Variants in SHANK2 observed in about 807,000 individuals in gnomAD.
SHANK2 encodes the protein SH3 and multiple ankyrin repeat domains 2, also known as SH3 and multiple ankyrin repeat domains protein 2.
In SHANK2, 43 loss-of-function variants were observed where a neutral mutation model predicts 133.7. The ratio of observed to expected loss-of-function variants is 0.32; its 90% CI spans 0.25 to 0.41. SHANK2 has a LOEUF of 0.41. Among genes scored for constraint, SHANK2 ranks in the 10% least tolerant of loss-of-function variants. The pLI is 1.00. For synonymous variants in SHANK2, 1,017 were observed against 952.8 expected, an observed-to-expected ratio of 1.07 and a Z score of -1.24; for missense variants, 1,994 against 2,235.8, an observed-to-expected ratio of 0.89 and a Z score of 2.18.
At chr11:70,515,841 T>C (rs1591526233) in intron 17 of SHANK2, among the ~76,000 whole-genome samples, 1 of 152,200 alleles carries the variant, frequency 6.6e-6, no homozygotes, top group South Asian at 2.1e-4. Context: ...TGCTATATAA[T>C]ATTTTTAATT....
intron 17 of SHANK2, among the ~76,000 whole-genome samples, chr11:70,511,400 C>T (rs1427604882): frequency 6.6e-6 from 1 of 152,176 alleles, no homozygotes; most frequent in African/African-American, 2.4e-5. Context: ...AAACAGATGC[C>T]AGAAATTGCT....
intron 10 of SHANK2, among the ~76,000 whole-genome samples, chr11:70,914,721 A>AT (rs61222852): frequency 2.0e-5 from 3 of 150,520 alleles, no homozygotes; most frequent in Non-Finnish European, 4.4e-5. Context: ...ATAAAATAAA[A>AT]CAAAACAAAA....
intron 17 of SHANK2, among the ~76,000 whole-genome samples, chr11:70,530,240 C>A (rs527830394): frequency 2.7e-4 from 41 of 152,268 alleles, no homozygotes; most frequent in African/African-American, 9.4e-4. Context: ...AGGAGGAGGC[C>A]GGGCACCGTG....
Position 70,804,506 on chromosome 11 carries a change from G to A in SHANK2, c.1663+2496C>T, listed in dbSNP as rs1334376611. ...GCTCTGTCATTTCTGTTCTCCCTGG[G>A]AGAAAGGCCCAGCTCCCCGCACGCC... On this transcript the variant is annotated intron_variant, in intron 13 of 25. Coordinates refer to ENST00000601538, the MANE Select transcript of SHANK2 (RefSeq NM_012309.5). The surrounding 1 kb of genome is among the most constrained non-coding windows in gnomAD (Gnocchi z 4.1). Among the ~76,000 whole-genome samples the A allele has an allele frequency of 6.6e-6, 1 of 152,194 alleles. No individual in the cohort carries two copies. The highest frequency in any genetic ancestry group is 1.5e-5 in the Non-Finnish European group (1 of 68,032).
At chr11:71,181,119 A>T (rs1004018751) in intron 2 of SHANK2, among the ~76,000 whole-genome samples, 1 of 152,100 alleles carries the variant, frequency 6.6e-6, no homozygotes, top group South Asian at 2.1e-4. Context: ...TGACGAGGGG[A>T]GGTCTGGAGA....
chr11:70,908,073 G>A (rs797026406), intron 10 of SHANK2: 13 of 276,622 alleles, frequency 4.7e-5, no homozygotes, highest in Admixed American at 2.2e-4. Context: ...TGCACTCTGC[G>A]CAACAGAGTG....
chr11:70,755,494 C>T (rs1267195697), intron 14 of SHANK2, among the ~76,000 whole-genome samples: 2 of 152,250 alleles, frequency 1.3e-5, no homozygotes, highest in Non-Finnish European at 2.9e-5. Context: ...CTCTTGGCCT[C>T]TCTGGTGCCC....
chr11:70,919,828 A>T (rs1295882584), intron 10 of SHANK2, among the ~76,000 whole-genome samples: 1 of 152,214 alleles, frequency 6.6e-6, no homozygotes, highest in African/African-American at 2.4e-5. Context: ...TTCTGCACAT[A>T]AGTGAGATTG....
chr11:70,863,788 G>A (rs1359711521), intron 11 of SHANK2: 2 of 457,466 alleles, frequency 4.4e-6, no homozygotes, highest in Admixed American at 4.7e-5. Flanking sequence ...CATCCAACAG[G>A]AGAGGTGTGT....
intron 3 of SHANK2, among the ~76,000 whole-genome samples, chr11:71,126,310 G>A (rs1440144774): frequency 6.7e-6 from 1 of 148,370 alleles, no homozygotes; most frequent in Non-Finnish European, 1.5e-5. Flanking sequence ...CAGCACATCT[G>A]TTTACAACAC....
At chr11:70,521,223 T>G (rs77484742) in intron 17 of SHANK2, among the ~76,000 whole-genome samples, 5,856 of 152,344 alleles carry the variant, frequency 0.038, 178 homozygotes, top group African/African-American at 0.084. Context: ...ATTAAGGTCA[T>G]GATCTATTTG....
At chr11:71,060,760 C>T (rs1950977562) in intron 9 of SHANK2, among the ~76,000 whole-genome samples, 2 of 152,196 alleles carry the variant, frequency 1.3e-5, no homozygotes, top group Non-Finnish European at 2.9e-5. Flanking sequence ...AAAGCAAACA[C>T]AAGGAAACGA....
intron 25 of SHANK2, among the ~76,000 whole-genome samples, chr11:70,476,009 G>A (rs1216632937): frequency 6.6e-6 from 1 of 152,014 alleles, no homozygotes; most frequent in Non-Finnish European, 1.5e-5. Context: ...ATCATTTGAG[G>A]TCAGGGGTTC....
intron 8 of SHANK2, among the ~76,000 whole-genome samples, chr11:71,080,776 G>A (rs921229388): frequency 1.3e-5 from 2 of 152,140 alleles, no homozygotes; most frequent in Non-Finnish European, 2.9e-5. Context: ...AATCCCCCTC[G>A]CATGGCCTGA....
At chr11:70,819,819 C>T (rs567678948) in intron 12 of SHANK2, among the ~76,000 whole-genome samples, 8 of 152,296 alleles carry the variant, frequency 5.3e-5, no homozygotes, top group Admixed American at 4.6e-4. Flanking sequence ...TGAGACCATC[C>T]CTGCAGCTGC....
intron 17 of SHANK2, among the ~76,000 whole-genome samples, chr11:70,533,057 G>A (rs568850818): frequency 2.5e-4 from 38 of 152,242 alleles, no homozygotes; most frequent in African/African-American, 8.2e-4. Context: ...AATTCACAGC[G>A]GCGGAAAGCA....
chr11:71,081,943 A>G (rs1396193553), intron 8 of SHANK2, among the ~76,000 whole-genome samples: 1 of 151,660 alleles, frequency 6.6e-6, no homozygotes, highest in Non-Finnish European at 1.5e-5. Context: ...ACACTCTCAC[A>G]CCCTGGAGGT....
At chr11:70,586,830 A>C (rs115968739) in intron 17 of SHANK2, among the ~76,000 whole-genome samples, 3,672 of 152,262 alleles carry the variant, frequency 0.024, 158 homozygotes, top group African/African-American at 0.085. Flanking sequence ...TCACCCCCCC[A>C]GAGTGGGCAG....
intron 10 of SHANK2, among the ~76,000 whole-genome samples, chr11:70,952,532 AAAATGCAG>A (rs1413617270): frequency 6.6e-6 from 1 of 152,198 alleles, no homozygotes; most frequent in Non-Finnish European, 1.5e-5. Context: ...CAGTAAGTGC[AAAATGCAG>A]TCTCTGGGTG....
Sources: gnomAD v4.1 joint callset for allele counts (sites outside exome capture counted in the v4.1 genomes callset) on GRCh38, gnomAD v4.1.1 for gene constraint, Gnocchi (gnomAD v3.1) non-coding constraint, MANE v1.5 for transcripts, NCBI Gene and HGNC (gene_info 2026-07-23, HGNC 2026-07-21) for gene names.